Variants in DOK6 observed in about 807,000 individuals in gnomAD.
DOK6 encodes downstream of tyrosine kinase 6.
A neutral mutation model predicts 44.0 loss-of-function variants in DOK6; 22 were observed. The ratio of observed to expected loss-of-function variants is 0.50; its 90% CI spans 0.36 to 0.71. DOK6 has a LOEUF of 0.71. Among genes scored for constraint, DOK6 ranks in the 30% least tolerant of loss-of-function variants. DOK6 has a pLI of 0.00. For synonymous variants in DOK6, 166 were observed against 145.5 expected, an observed-to-expected ratio of 1.14 and a Z score of -1.01; for missense variants, 340 against 416.4, an observed-to-expected ratio of 0.82 and a Z score of 1.60.
intron 5 of DOK6, among the ~76,000 whole-genome samples, chr18:69,731,353 G>A (rs1379689370): frequency 1.3e-5 from 2 of 152,064 alleles, no homozygotes; most frequent in Non-Finnish European, 2.9e-5. Context: ...AAAGTAATAT[G>A]GTTATCTCTG....
intron 1 of DOK6, among the ~76,000 whole-genome samples, chr18:69,423,042 A>G (rs1978538545): frequency 6.6e-6 from 1 of 152,194 alleles, no homozygotes; most frequent in Non-Finnish European, 1.5e-5. Flanking sequence ...AGTGGCTCAC[A>G]GATGTAATCC....
At chr18:69,551,819 T>C (rs558072612) in intron 1 of DOK6, among the ~76,000 whole-genome samples, 47 of 152,332 alleles carry the variant, frequency 3.1e-4, no homozygotes, top group African/African-American at 1.1e-3. Flanking sequence ...GTTTTTAATG[T>C]TTCACTCTTT....
chr18:69,647,877 T>C (rs1486747834), intron 3 of DOK6, among the ~76,000 whole-genome samples: 3 of 152,154 alleles, frequency 2.0e-5, no homozygotes, highest in African/African-American at 7.2e-5. Context: ...TGCCTTTCTC[T>C]GCCCGCCGGC....
intron 3 of DOK6, among the ~76,000 whole-genome samples, chr18:69,612,442 GGCGCATGTGTGCGAGC>G (rs1984173912): frequency 6.7e-6 from 1 of 149,244 alleles, no homozygotes; most frequent in African/African-American, 2.5e-5. Flanking sequence ...TGTGTGCGAG[GGCGCATGTGTGCGAGC>G]GTGCATATGT....
At chr18:69,685,356 G>A (rs1413559757) in intron 4 of DOK6, among the ~76,000 whole-genome samples, 4 of 152,110 alleles carry the variant, frequency 2.6e-5, no homozygotes, top group Admixed American at 2.6e-4. Flanking sequence ...ATGCTATGGG[G>A]CCTTGGTCAG....
Position 69,826,733 on chromosome 18 carries a change from G to C in DOK6, c.857-14511G>C, listed in dbSNP as rs76669124. 2.5e-3 allele frequency among the ~76,000 whole-genome samples: 385 copies of C among 152,182 alleles called. 3 individuals are homozygous for C. Among genetic ancestry groups the C allele is most frequent in the African/African-American group, 8.8e-3 (365 of 41,538 alleles). Reference sequence around the variant, plus strand: ...AGTTATTTAGATTTCAGATTTCTAGGCTCTGAAATTATTGCATGGTTTATT... The same window carrying C: ...AGTTATTTAGATTTCAGATTTCTAGCCTCTGAAATTATTGCATGGTTTATT... On this transcript the variant is annotated intron_variant, in intron 7 of 7. Coordinates refer to ENST00000382713, the MANE Select transcript of DOK6 (RefSeq NM_152721.6).
At chr18:69,597,421 C>T (rs1488236322) in intron 2 of DOK6, among the ~76,000 whole-genome samples, 1 of 152,176 alleles carries the variant, frequency 6.6e-6, no homozygotes, top group East Asian at 1.9e-4. Flanking sequence ...TTTATTGTTG[C>T]TCTTTAAAGA....
At chr18:69,440,072 T>G (rs1001994524) in intron 1 of DOK6, among the ~76,000 whole-genome samples, 1 of 152,188 alleles carries the variant, frequency 6.6e-6, no homozygotes, top group African/African-American at 2.4e-5. Context: ...TGTAGGGTTA[T>G]TCATTTGCCT....
chr18:69,719,022 G>A (rs1343132074), intron 5 of DOK6, among the ~76,000 whole-genome samples: 1 of 152,174 alleles, frequency 6.6e-6, no homozygotes, highest in Non-Finnish European at 1.5e-5. Flanking sequence ...AGCTGAAATT[G>A]TTGGAAAAAA....
chr18:69,415,795 A>G (rs1236448935), intron 1 of DOK6, among the ~76,000 whole-genome samples: 1 of 152,102 alleles, frequency 6.6e-6, no homozygotes, highest in Non-Finnish European at 1.5e-5. Flanking sequence ...AGAGAGGTCA[A>G]AAATATTTAC....
intron 4 of DOK6, among the ~76,000 whole-genome samples, chr18:69,686,325 A>C (rs1019276071): frequency 2.6e-5 from 4 of 152,150 alleles, no homozygotes; most frequent in African/African-American, 9.7e-5. Context: ...TAATTTTATT[A>C]ATATTTGCTC....
At chr18:69,820,591 T>C (rs2145123592) in intron 7 of DOK6, among the ~76,000 whole-genome samples, 1 of 152,228 alleles carries the variant, frequency 6.6e-6, no homozygotes, top group East Asian at 1.9e-4. Flanking sequence ...AATTTAAACA[T>C]ACAGAAGCAA....
intron 3 of DOK6, among the ~76,000 whole-genome samples, chr18:69,603,640 G>T (rs1599216390): frequency 6.6e-6 from 1 of 151,962 alleles, no homozygotes; most frequent in Non-Finnish European, 1.5e-5. Flanking sequence ...GTGTGGTGGC[G>T]GGCGCCTGTA....
At chr18:69,481,148 C>G (rs1165602179) in intron 1 of DOK6, among the ~76,000 whole-genome samples, 1 of 152,122 alleles carries the variant, frequency 6.6e-6, no homozygotes, top group Non-Finnish European at 1.5e-5. Context: ...TTTTCTCGTT[C>G]ACATCCCTTG....
At chr18:69,653,719 A>T (rs1985290221) in intron 3 of DOK6, among the ~76,000 whole-genome samples, 2 of 152,204 alleles carry the variant, frequency 1.3e-5, no homozygotes, top group African/African-American at 4.8e-5. Context: ...TATATCTCTA[A>T]CCACATGCAG....
chr18:69,482,450 A>G (rs1372390478), intron 1 of DOK6, among the ~76,000 whole-genome samples: 3 of 152,050 alleles, frequency 2.0e-5, no homozygotes, highest in Non-Finnish European at 2.9e-5. Flanking sequence ...TTCTTACAGC[A>G]TATTTTGGGG....
chr18:69,799,729 T>C (rs1980847583), intron 7 of DOK6, among the ~76,000 whole-genome samples: 1 of 152,086 alleles, frequency 6.6e-6, no homozygotes, highest in Admixed American at 6.6e-5. Flanking sequence ...TTGTGGAAGA[T>C]ACAGCATAAT....
chr18:69,416,728 C>T (rs1025408257), intron 1 of DOK6, among the ~76,000 whole-genome samples: 5 of 152,074 alleles, frequency 3.3e-5, no homozygotes, highest in African/African-American at 9.7e-5. Context: ...TTATTTGTAA[C>T]CTAGGCCCAC....
At chr18:69,407,825 T>A (rs558640375) in intron 1 of DOK6, among the ~76,000 whole-genome samples, 5 of 152,330 alleles carry the variant, frequency 3.3e-5, no homozygotes, top group Non-Finnish European at 5.9e-5. Flanking sequence ...TTGCAATAAT[T>A]CTTGGTTAAT....
Sources: gnomAD v4.1 joint callset for allele counts (sites outside exome capture counted in the v4.1 genomes callset) on GRCh38, gnomAD v4.1.1 for gene constraint, MANE v1.5 for transcripts, NCBI Gene and HGNC (gene_info 2026-07-23, HGNC 2026-07-21) for gene names.